Variants in ADAMTS3 observed in about 807,000 individuals in gnomAD.
The protein encoded by ADAMTS3 is A disintegrin and metalloproteinase with thrombospondin motifs 3.
In ADAMTS3, 73 loss-of-function variants were observed where a neutral mutation model predicts 129.0. The observed-to-expected ratio is 0.57, with a 90% CI of 0.47 to 0.69. ADAMTS3 has a LOEUF of 0.69. Ranked by LOEUF, ADAMTS3 falls within the 30% of genes least tolerant of loss-of-function variation. ADAMTS3 has a pLI of 0.00. For synonymous variants in ADAMTS3, 477 were observed against 510.8 expected, an observed-to-expected ratio of 0.93 and a Z score of 0.89; for missense variants, 1,457 against 1,514.5, an observed-to-expected ratio of 0.96 and a Z score of 0.63.
intron 4 of ADAMTS3, among the ~76,000 whole-genome samples, chr4:72,361,388 A>C (rs1260272775): frequency 3.9e-5 from 6 of 152,168 alleles, no homozygotes; most frequent in Admixed American, 3.3e-4. Flanking sequence ...GAAGATAAGC[A>C]TAAGTGTCTT....
At chr4:72,512,910 G>T (rs983178670) in intron 3 of ADAMTS3, among the ~76,000 whole-genome samples, 1 of 152,078 alleles carries the variant, frequency 6.6e-6, no homozygotes, top group African/African-American at 2.4e-5. Context: ...CTTTTCACGT[G>T]TGGAGGCAGA....
chr4:72,333,848 C>CTTTTTTTTTTTT (rs6148516), intron 5 of ADAMTS3, among the ~76,000 whole-genome samples: 5 of 99,466 alleles, frequency 5.0e-5, no homozygotes, highest in African/African-American at 1.6e-4. Flanking sequence ...TGTTTGCTTG[C>CTTTTTTTTTTTT]TTTTTTTTTT....
At chr4:72,398,393 C>T (rs1209531741) in intron 4 of ADAMTS3, among the ~76,000 whole-genome samples, 2 of 151,910 alleles carry the variant, frequency 1.3e-5, no homozygotes, top group African/African-American at 4.8e-5. Context: ...CCCGTCTCTA[C>T]TAAAAATACA....
At chr4:72,413,235 A>C (rs10938018) in intron 4 of ADAMTS3, among the ~76,000 whole-genome samples, 101,417 of 151,780 alleles carry the variant, frequency 0.67, 34,384 homozygotes, top group South Asian at 0.8. Flanking sequence ...GGGAGGACAG[A>C]CACAGTAACT....
intron 4 of ADAMTS3, among the ~76,000 whole-genome samples, chr4:72,399,220 G>A (rs760281378): frequency 7.2e-5 from 11 of 151,982 alleles, no homozygotes; most frequent in Non-Finnish European, 1.3e-4. Flanking sequence ...GCTTGAGACC[G>A]GGAGTTTGAG....
chr4:72,462,687 A>C (rs544689482), intron 3 of ADAMTS3, among the ~76,000 whole-genome samples: 26 of 152,116 alleles, frequency 1.7e-4, no homozygotes, highest in African/African-American at 6.0e-4. Context: ...TTCGTGTTTT[A>C]GTTTTTAATG....
At chr4:72,299,856 T>C (rs1028401453) in intron 17 of ADAMTS3, among the ~76,000 whole-genome samples, 6 of 152,166 alleles carry the variant, frequency 3.9e-5, no homozygotes, top group African/African-American at 1.4e-4. Flanking sequence ...GAATTCCTTT[T>C]TGTAATATGA....
intron 3 of ADAMTS3, among the ~76,000 whole-genome samples, chr4:72,496,759 C>A (rs1423671663): frequency 6.6e-6 from 1 of 152,010 alleles, no homozygotes; most frequent in Non-Finnish European, 1.5e-5. Context: ...CCAATGGCCT[C>A]CTCACTTTAC....
At chr4:72,414,672 A>G in intron 4 of ADAMTS3, 143 bp downstream of exon 4, 1 of 575,266 alleles carries the variant, frequency 1.7e-6, no homozygotes, top group South Asian at 7.6e-5. Context: ...GCCACATTTC[A>G]TGATTTATAA....
intron 5 of ADAMTS3, among the ~76,000 whole-genome samples, chr4:72,335,087 G>T (rs907765019): frequency 2.0e-5 from 3 of 152,088 alleles, no homozygotes; most frequent in Non-Finnish European, 4.4e-5. Flanking sequence ...TGTTAACTTA[G>T]TTAACCAAAA....
chr4:72,318,786 T>G, intron 9 of ADAMTS3, 82 bp from the exon 10 acceptor site: 2 of 1,356,890 alleles, frequency 1.5e-6, no homozygotes, highest in Non-Finnish European at 2.0e-6. Flanking sequence ...TAGTCTTAGC[T>G]TATATACTTT....
chr4:72,312,884 T>A (rs889119201), intron 12 of ADAMTS3, among the ~76,000 whole-genome samples: 1 of 152,200 alleles, frequency 6.6e-6, no homozygotes, highest in Non-Finnish European at 1.5e-5. Context: ...AGGAAAACTG[T>A]GAAGATTAAA....
At chr4:72,421,517 G>A (rs1400544998) in intron 3 of ADAMTS3, among the ~76,000 whole-genome samples, 1 of 152,222 alleles carries the variant, frequency 6.6e-6, no homozygotes, top group Admixed American at 6.5e-5. Context: ...AAGGAATGAT[G>A]AGAGACATGA....
intron 4 of ADAMTS3, among the ~76,000 whole-genome samples, chr4:72,357,729 T>C (rs1469973986): frequency 6.6e-6 from 1 of 151,980 alleles, no homozygotes; most frequent in Non-Finnish European, 1.5e-5. Flanking sequence ...TAACTCAATA[T>C]GCATGATGGT....
chr4:72,496,278 G>A (rs1272706442), intron 3 of ADAMTS3, among the ~76,000 whole-genome samples: 1 of 152,146 alleles, frequency 6.6e-6, no homozygotes, highest in Admixed American at 6.6e-5. Flanking sequence ...AATAAATTAA[G>A]TGTTCCTACT....
Position 72,474,232 on chromosome 4 carries a change from A to T in ADAMTS3, c.505-59261T>A, listed in dbSNP as rs149430806. ...TGAAAAAAGACAATTAATAGATGCC[A>T]ACACTAAGATGACAGATGTTAAAAT... On this transcript the variant is annotated intron_variant, in intron 3 of 21. Coordinates refer to ENST00000286657, the MANE Select transcript of ADAMTS3 (RefSeq NM_014243.3). Among the ~76,000 whole-genome samples the T allele has an allele frequency of 2.6e-3, 401 of 152,358 alleles. 3 individuals are homozygous for T. Among genetic ancestry groups the T allele is most frequent in the African/African-American group, 9.4e-3 (389 of 41,596 alleles).
At chr4:72,378,018 T>C (rs1560493012) in intron 4 of ADAMTS3, among the ~76,000 whole-genome samples, 1 of 152,172 alleles carries the variant, frequency 6.6e-6, no homozygotes, top group Non-Finnish European at 1.5e-5. Context: ...CTTAGAATTA[T>C]AAAAATCCTT....
intron 4 of ADAMTS3, among the ~76,000 whole-genome samples, chr4:72,364,539 G>A (rs1204689633): frequency 6.6e-6 from 1 of 151,742 alleles, no homozygotes; most frequent in East Asian, 2.0e-4. Flanking sequence ...CACTTGAACC[G>A]GGAGATGGAG....
intron 3 of ADAMTS3, among the ~76,000 whole-genome samples, chr4:72,532,982 C>G (rs1340967871): frequency 6.6e-6 from 1 of 152,058 alleles, no homozygotes; most frequent in East Asian, 1.9e-4. Flanking sequence ...TGTGTAAGCA[C>G]CACACTTAGG....
Sources: gnomAD v4.1 joint callset for allele counts (sites outside exome capture counted in the v4.1 genomes callset) on GRCh38, gnomAD v4.1.1 for gene constraint, MANE v1.5 for transcripts, NCBI Gene and HGNC (gene_info 2026-07-23, HGNC 2026-07-21) for gene names.